SBF2: variants seen among roughly 807,000 people sequenced by gnomAD.
The protein encoded by SBF2 is myotubularin-related protein 13.
SBF2 carries 112 observed loss-of-function variants against 225.2 expected under a neutral mutation model. The ratio of observed to expected loss-of-function variants is 0.50; its 90% CI spans 0.43 to 0.58. The LOEUF (loss-of-function observed/expected upper bound fraction) is 0.58. Ranked by LOEUF, SBF2 falls within the 20% of genes least tolerant of loss-of-function variation. The pLI is 0.00. For missense variants in SBF2, 1,996 were observed against 2,206.2 expected (o/e 0.90, Z 1.91); for synonymous variants, 763 against 773.3 (o/e 0.99, Z 0.22).
chr11:10,047,285 A>G (rs945782239), intron 2 of SBF2, among the ~76,000 whole-genome samples: 4 of 152,184 alleles, frequency 2.6e-5, no homozygotes, highest in Non-Finnish European at 5.9e-5. Context: ...TAAAGTTTAT[A>G]AAGAGAGGCA....
At chr11:10,197,392 G>A (rs1957416485) in intron 1 of SBF2, among the ~76,000 whole-genome samples, 1 of 152,202 alleles carries the variant, frequency 6.6e-6, no homozygotes, top group African/African-American at 2.4e-5. Context: ...TAAAAGTTAT[G>A]TTTACACTAT....
intron 1 of SBF2, among the ~76,000 whole-genome samples, chr11:10,240,742 T>C (rs1441412579): frequency 6.6e-6 from 1 of 152,186 alleles, no homozygotes; most frequent in African/African-American, 2.4e-5. Flanking sequence ...GGGGTAATAA[T>C]TTAGATATAT....
chr11:9,959,589 G>C, intron 16 of SBF2: 1 of 767,808 alleles, frequency 1.3e-6, no homozygotes, highest in Non-Finnish European at 2.4e-6. Flanking sequence ...ACATGTCACT[G>C]TTGGAACCTT....
At chr11:10,155,787 A>G (rs183155850) in intron 2 of SBF2, among the ~76,000 whole-genome samples, 56 of 152,374 alleles carry the variant, frequency 3.7e-4, no homozygotes, top group African/African-American at 1.3e-3. Context: ...GAAAATTACC[A>G]TGTACTTTAT....
intron 2 of SBF2, among the ~76,000 whole-genome samples, chr11:10,173,457 T>C (rs930608777): frequency 1.3e-5 from 2 of 152,214 alleles, no homozygotes; most frequent in African/African-American, 4.8e-5. Flanking sequence ...TCCGACAGGC[T>C]TAAAAAACGC....
chr11:10,297,760 A>C (rs1964561186), upstream of SBF2, among the ~76,000 whole-genome samples: 1 of 152,260 alleles, frequency 6.6e-6, no homozygotes, highest in Non-Finnish European at 1.5e-5. Flanking sequence ...TTTGTCACAC[A>C]GAGATTTTAA....
chr11:10,249,210 C>A (rs533362127), intron 1 of SBF2, among the ~76,000 whole-genome samples: 25 of 151,862 alleles, frequency 1.6e-4, no homozygotes, highest in Non-Finnish European at 3.2e-4. Flanking sequence ...ACAGGGTTTT[C>A]TTAAAGCACG....
intron 6 of SBF2, among the ~76,000 whole-genome samples, chr11:10,002,912 A>T (rs1275217989): frequency 6.6e-6 from 1 of 152,198 alleles, no homozygotes; most frequent in Non-Finnish European, 1.5e-5. Flanking sequence ...TGAACATATT[A>T]GTTGTTTGGA....
chr11:10,149,634 A>G (rs147204589), intron 2 of SBF2: 2 of 152,306 alleles, frequency 1.3e-5, no homozygotes, highest in African/African-American at 4.8e-5. Context: ...TGTGTTCCTC[A>G]CTGCCCAACC....
intron 26 of SBF2, chr11:9,838,863 T>C (rs1339320762): frequency 1.3e-5 from 2 of 154,494 alleles, no homozygotes; most frequent in Non-Finnish European, 2.9e-5. Flanking sequence ...CTCAACATAT[T>C]TGAAAAACAG....
chr11:10,186,095 T>G (rs1956925628), intron 2 of SBF2, among the ~76,000 whole-genome samples: 1 of 152,212 alleles, frequency 6.6e-6, no homozygotes, highest in African/African-American at 2.4e-5. Flanking sequence ...TTACCTCATA[T>G]TAGAAATTTA....
chr11:10,169,372 C>CT (rs1295031059), intron 2 of SBF2, among the ~76,000 whole-genome samples: 4 of 151,822 alleles, frequency 2.6e-5, no homozygotes, highest in Non-Finnish European at 4.4e-5. Flanking sequence ...CATCCTTCTT[C>CT]TCTCTCTCTC....
chr11:10,018,047 G>A (rs962700765), intron 6 of SBF2, among the ~76,000 whole-genome samples: 4 of 152,048 alleles, frequency 2.6e-5, no homozygotes, highest in African/African-American at 9.7e-5. Flanking sequence ...AAGGAGCCTT[G>A]TGAGTAGAGC....
intron 33 of SBF2, among the ~76,000 whole-genome samples, chr11:9,794,358 T>A (rs1852955939): frequency 6.6e-6 from 1 of 152,086 alleles, no homozygotes; most frequent in Non-Finnish European, 1.5e-5. Context: ...TGGTGACCCC[T>A]GTAGGTACAG....
intron 2 of SBF2, among the ~76,000 whole-genome samples, chr11:10,189,214 A>T (rs1301125876): frequency 1.3e-5 from 2 of 152,212 alleles, no homozygotes; most frequent in African/African-American, 4.8e-5. Context: ...ATATACTCAC[A>T]TGCAAGAACT....
rs535178315 is a variant in SBF2, at chr11:10,015,171, C to G, written c.620-12482G>C. Among the ~76,000 whole-genome samples the G allele has an allele frequency of 3.8e-3, 576 of 152,130 alleles. 4 individuals carry two copies. Among genetic ancestry groups the G allele is most frequent in the South Asian group, 5.2e-3 (25 of 4,824 alleles). On this transcript the variant is annotated intron_variant, in intron 6 of 39. Coordinates refer to ENST00000256190, the MANE Select transcript of SBF2 (RefSeq NM_030962.4). ...TAATAATAAAATAATAATACTGTAT[C>G]AATGTCAGTTCCTGGTATCCATAAT... is the stretch of plus-strand genomic sequence containing the variant.
chr11:9,879,423 A>C (rs761582229), intron 17 of SBF2, among the ~76,000 whole-genome samples: 2 of 152,158 alleles, frequency 1.3e-5, no homozygotes. Flanking sequence ...GCCCTAAATG[A>C]AAATATTAGA....
chr11:9,812,740 T>A (rs762055321), intron 29 of SBF2, 32 bp from the exon 30 acceptor site: 1 of 1,608,332 alleles, frequency 6.2e-7, no homozygotes, highest in African/African-American at 1.3e-5. Flanking sequence ...ATTAGGCAGA[T>A]GAAGTGCTAT....
intron 17 of SBF2, among the ~76,000 whole-genome samples, chr11:9,892,169 A>C (rs981887807): frequency 2.6e-5 from 4 of 152,076 alleles, no homozygotes; most frequent in Admixed American, 1.3e-4. Context: ...CCCAGGCTGG[A>C]GTGCAGTGGC....
Sources: allele counts gnomAD v4.1 joint callset (sites outside exome capture counted in the v4.1 genomes callset), GRCh38; gene constraint gnomAD v4.1.1; transcripts MANE v1.5; gene names NCBI Gene and HGNC (gene_info 2026-07-23, HGNC 2026-07-21).